Variants in GABBR2 observed in about 807,000 individuals in gnomAD.
The protein encoded by GABBR2 is G-protein coupled receptor 51.
In GABBR2, 23 loss-of-function variants were observed where a neutral mutation model predicts 105.6. That is an observed-to-expected ratio of 0.22 (90% CI 0.16 to 0.31). The LOEUF (loss-of-function observed/expected upper bound fraction) is 0.31, where lower values mean the gene tolerates loss of function less well. Ranked by LOEUF, GABBR2 falls within the 10% of genes least tolerant of loss-of-function variation. The pLI is 1.00. For synonymous variants in GABBR2, 478 were observed against 499.7 expected, an observed-to-expected ratio of 0.96 and a Z score of 0.58; for missense variants, 734 against 1,245.5, an observed-to-expected ratio of 0.59 and a Z score of 6.18.
intron 6 of GABBR2, among the ~76,000 whole-genome samples, chr9:98,457,216 G>A (rs1361841459): frequency 6.6e-6 from 1 of 152,208 alleles, no homozygotes; most frequent in African/African-American, 2.4e-5. Context: ...TCGAGGGTTG[G>A]TGGTGTCCAT....
intron 3 of GABBR2, among the ~76,000 whole-genome samples, chr9:98,510,563 G>A (rs1455317140): frequency 6.6e-6 from 1 of 152,068 alleles, no homozygotes; most frequent in African/African-American, 2.4e-5. Context: ...TCAAAATAAA[G>A]GGATGGAGGA....
intron 5 of GABBR2, among the ~76,000 whole-genome samples, chr9:98,480,331 T>C (rs145878233): frequency 6.6e-5 from 10 of 152,190 alleles, no homozygotes; most frequent in Non-Finnish European, 1.3e-4. Flanking sequence ...AGAGACTAGA[T>C]TGGGGATCAG....
At chr9:98,465,267 G>A (rs543782443) in intron 6 of GABBR2, among the ~76,000 whole-genome samples, 4 of 151,766 alleles carry the variant, frequency 2.6e-5, no homozygotes, top group East Asian at 1.9e-4. Flanking sequence ...GTAATATGGC[G>A]GCACAGTGTG....
intron 11 of GABBR2, chr9:98,375,312 G>A (rs1484184721): frequency 1.3e-5 from 2 of 152,100 alleles, no homozygotes. Flanking sequence ...AAACTTGTGA[G>A]CCACTTCCTC....
intron 3 of GABBR2, among the ~76,000 whole-genome samples, chr9:98,507,154 G>A (rs1485952602): frequency 6.6e-6 from 1 of 152,162 alleles, no homozygotes; most frequent in East Asian, 1.9e-4. Flanking sequence ...CATCAGTGAT[G>A]GATAGAGTCA....
chr9:98,522,508 A>G (rs1232866791), intron 3 of GABBR2, among the ~76,000 whole-genome samples: 1 of 152,204 alleles, frequency 6.6e-6, no homozygotes, highest in African/African-American at 2.4e-5. Context: ...TTATCTCCAA[A>G]GGAACCAAAT....
At chr9:98,503,533 T>A (rs1827446150) in intron 3 of GABBR2, among the ~76,000 whole-genome samples, 4 of 151,990 alleles carry the variant, frequency 2.6e-5, no homozygotes, top group Admixed American at 2.6e-4. Flanking sequence ...CCAGCAATGG[T>A]CCGGGAGAGG....
At chr9:98,616,890 C>T (rs985635503) in intron 1 of GABBR2, among the ~76,000 whole-genome samples, 1 of 152,182 alleles carries the variant, frequency 6.6e-6, no homozygotes, top group African/African-American at 2.4e-5. Context: ...ATATTTTCTA[C>T]ATTTTAAAAC....
intron 16 of GABBR2, among the ~76,000 whole-genome samples, chr9:98,302,545 C>T (rs538190611): frequency 1.3e-5 from 2 of 152,296 alleles, no homozygotes; most frequent in Non-Finnish European, 2.9e-5. Context: ...GCATTGTAAC[C>T]AATGTACTTT....
intron 7 of GABBR2, among the ~76,000 whole-genome samples, chr9:98,434,782 A>G (rs1825871598): frequency 6.6e-6 from 1 of 152,170 alleles, no homozygotes; most frequent in African/African-American, 2.4e-5. Context: ...AGCCTCCACA[A>G]GTGGCTGCGG....
intron 3 of GABBR2, among the ~76,000 whole-genome samples, chr9:98,533,167 A>G (rs914882931): frequency 6.6e-6 from 1 of 152,212 alleles, no homozygotes; most frequent in African/African-American, 2.4e-5. Context: ...CCAAGTTGCC[A>G]TCTGTCCCAC....
chr9:98,498,703 C>G (rs16916531), intron 3 of GABBR2, among the ~76,000 whole-genome samples: 8,711 of 152,190 alleles, frequency 0.057, 336 homozygotes, highest in South Asian at 0.13. Context: ...TCACAGTCAG[C>G]GTGAACCTTG....
chr9:98,396,976 T>C (rs1490911683), intron 8 of GABBR2, among the ~76,000 whole-genome samples: 2 of 152,196 alleles, frequency 1.3e-5, no homozygotes, highest in Non-Finnish European at 2.9e-5. Context: ...AAACCATGAA[T>C]TGGGCATAAT....
chr9:98,648,155 A>AGATAGATAGATAGATAGATG (rs1342410321), intron 1 of GABBR2, among the ~76,000 whole-genome samples: 7 of 151,206 alleles, frequency 4.6e-5, no homozygotes, highest in African/African-American at 1.5e-4. Context: ...ATAGATAGAT[A>AGATAGATAGATAGATAGATG]GAGTCTTACT....
intron 7 of GABBR2, among the ~76,000 whole-genome samples, chr9:98,436,394 T>TAG (rs1825925322): frequency 5.7e-5 from 3 of 52,698 alleles, no homozygotes; most frequent in African/African-American, 2.2e-4. Flanking sequence ...TATATATATA[T>TAG]ATATATATAT....
chr9:98,502,768 T>C (rs919242038), intron 3 of GABBR2, among the ~76,000 whole-genome samples: 2 of 152,192 alleles, frequency 1.3e-5, no homozygotes, highest in African/African-American at 4.8e-5. Context: ...CAATCTGAGC[T>C]CTTGCTTCAT....
At chr9:98,615,961 G>A (rs939125996) in intron 1 of GABBR2, among the ~76,000 whole-genome samples, 1 of 152,218 alleles carries the variant, frequency 6.6e-6, no homozygotes, top group Admixed American at 6.5e-5. Flanking sequence ...GTGCTAATAA[G>A]TAGTACTTCC....
At chr9:98,511,274 A>G (rs541551065) in intron 3 of GABBR2, among the ~76,000 whole-genome samples, 2 of 150,836 alleles carry the variant, frequency 1.3e-5, no homozygotes, top group East Asian at 3.9e-4. Flanking sequence ...AGGGAAATTT[A>G]TAGCACTAAA....
intron 6 of GABBR2, among the ~76,000 whole-genome samples, chr9:98,471,675 T>C (rs1826685735): frequency 6.6e-6 from 1 of 152,212 alleles, no homozygotes; most frequent in African/African-American, 2.4e-5. Context: ...TCTTTGGTCT[T>C]CCTGAAGCCT....
Sources: gnomAD v4.1 joint callset for allele counts (sites outside exome capture counted in the v4.1 genomes callset) on GRCh38, gnomAD v4.1.1 for gene constraint, MANE v1.5 for transcripts, NCBI Gene and HGNC (gene_info 2026-07-23, HGNC 2026-07-21) for gene names.